The following TPRG1 variants were observed in gnomAD, a reference collection of about 807,000 sequenced individuals.
TPRG1 encodes tumor protein p63 regulated 1.
TPRG1 carries 29 observed loss-of-function variants against 29.3 expected under a neutral mutation model. The ratio of observed to expected loss-of-function variants is 0.99; its 90% confidence interval spans 0.74 to 1.35. The LOEUF is 1.35. Ranked by LOEUF, TPRG1 falls within the 40% of genes most tolerant of loss-of-function variation. The pLI is 0.00. For missense variants in TPRG1, 327 were observed against 335.0 expected (o/e 0.98, Z 0.19); for synonymous variants, 130 against 116.8 (o/e 1.11, Z -0.73).
At chr3:189,115,554 A>G (rs1721065476) in intron 1 of TPRG1, among the ~76,000 whole-genome samples, 1 of 152,212 alleles carries the variant, frequency 6.6e-6, no homozygotes, top group South Asian at 2.1e-4. Context: ...TATAATGCAG[A>G]CTTTTAAAGT....
At chr3:189,178,779 A>G (rs1729834166) in intron 1 of TPRG1, among the ~76,000 whole-genome samples, 1 of 152,194 alleles carries the variant, frequency 6.6e-6, no homozygotes, top group Non-Finnish European at 1.5e-5. Context: ...GAGATAACTT[A>G]TAGCTTTAGA....
intron 1 of TPRG1, among the ~76,000 whole-genome samples, chr3:188,998,152 C>G (rs1419095494): frequency 5.8e-5 from 1 of 17,140 alleles, no homozygotes; most frequent in Non-Finnish European, 2.0e-3. Context: ...GGGAGCAGAC[C>G]ATAAACAAAC....
At chr3:189,308,543 T>A (rs1303837143) in intron 4 of TPRG1, among the ~76,000 whole-genome samples, 1 of 152,178 alleles carries the variant, frequency 6.6e-6, no homozygotes, top group African/African-American at 2.4e-5. Flanking sequence ...CCTCTGGAGC[T>A]CAGGAAAGAA....
intron 4 of TPRG1, among the ~76,000 whole-genome samples, chr3:189,025,239 C>T (rs1275607969): frequency 6.6e-6 from 1 of 152,116 alleles, no homozygotes; most frequent in African/African-American, 2.4e-5. Flanking sequence ...GAGGGGATAT[C>T]CTGATCTGAG....
At chr3:189,295,921 A>AC (rs970801535) in intron 4 of TPRG1, among the ~76,000 whole-genome samples, 6 of 102,016 alleles carry the variant, frequency 5.9e-5, no homozygotes, top group Non-Finnish European at 4.1e-5. Flanking sequence ...TTTAAAAAAA[A>AC]AAAAAAAAAA....
At chr3:189,025,328 G>A (rs1394359950) in intron 4 of TPRG1, among the ~76,000 whole-genome samples, 1 of 152,140 alleles carries the variant, frequency 6.6e-6, no homozygotes, top group African/African-American at 2.4e-5. Context: ...TTGGGGTGGG[G>A]GTTCCCTTGG....
intron 5 of TPRG1, among the ~76,000 whole-genome samples, chr3:189,156,405 T>A (rs1446250002): frequency 6.6e-6 from 1 of 152,174 alleles, no homozygotes; most frequent in Non-Finnish European, 1.5e-5. Context: ...TTGCAGTGAT[T>A]TGTTACAGCA....
At chr3:189,252,186 T>TCAGAGAGCAC (rs1742388058) in intron 4 of TPRG1, among the ~76,000 whole-genome samples, 1 of 152,154 alleles carries the variant, frequency 6.6e-6, no homozygotes, top group African/African-American at 2.4e-5. Context: ...CAGCACATGT[T>TCAGAGAGCAC]TCAGAGAGCA....
intron 1 of TPRG1, among the ~76,000 whole-genome samples, chr3:189,179,737 A>G (rs972914466): frequency 6.6e-6 from 1 of 152,202 alleles, no homozygotes; most frequent in Non-Finnish European, 1.5e-5. Flanking sequence ...ATGTGTTTGA[A>G]TTAATCAATT....
intron 1 of TPRG1, among the ~76,000 whole-genome samples, chr3:189,195,463 C>T (rs576470102): frequency 7.2e-5 from 11 of 152,202 alleles, no homozygotes; most frequent in East Asian, 3.9e-4. Context: ...CACTGGTCTG[C>T]GGTGGTTTGG....
chr3:189,275,747 A>G (rs531800476), intron 4 of TPRG1, among the ~76,000 whole-genome samples: 1 of 152,280 alleles, frequency 6.6e-6, no homozygotes, highest in East Asian at 1.9e-4. Flanking sequence ...CTACTGTTGT[A>G]TTTTAAATAG....
chr3:189,303,701 G>A (rs1721192221), intron 4 of TPRG1, among the ~76,000 whole-genome samples: 1 of 152,094 alleles, frequency 6.6e-6, no homozygotes, highest in Non-Finnish European at 1.5e-5. Context: ...TATGTACCTG[G>A]CACTGTAAGC....
chr3:189,072,446 A>G (rs1260781818), intron 4 of TPRG1, among the ~76,000 whole-genome samples: 1 of 152,120 alleles, frequency 6.6e-6, no homozygotes, highest in East Asian at 1.9e-4. Flanking sequence ...TTGTTTCTCA[A>G]TGTGGATATT....
At chr3:189,075,293 CG>C (rs1717092346) in intron 4 of TPRG1, among the ~76,000 whole-genome samples, 1 of 151,966 alleles carries the variant, frequency 6.6e-6, no homozygotes, top group Non-Finnish European at 1.5e-5. Flanking sequence ...CCACCATGCC[CG>C]GCTAATTTTC....
intron 4 of TPRG1, among the ~76,000 whole-genome samples, chr3:189,067,270 C>T (rs1263389088): frequency 4.6e-5 from 7 of 152,074 alleles, no homozygotes; most frequent in Admixed American, 3.3e-4. Context: ...AGATTCAGTG[C>T]AATCTCTATC....
chr3:189,053,474 C>G (rs922240349), intron 4 of TPRG1, among the ~76,000 whole-genome samples: 1 of 152,124 alleles, frequency 6.6e-6, no homozygotes, highest in Non-Finnish European at 1.5e-5. Context: ...TTGAAACTTA[C>G]CAGATCACTG....
At chr3:189,146,564 G>T (rs931740096) in intron 3 of TPRG1, among the ~76,000 whole-genome samples, 9 of 152,236 alleles carry the variant, frequency 5.9e-5, no homozygotes, top group African/African-American at 2.2e-4. Flanking sequence ...TCTGTCTGTT[G>T]TATCTTGTAC....
chr3:188,998,819 G>T (rs1480071179), intron 1 of TPRG1, among the ~76,000 whole-genome samples: 1 of 152,162 alleles, frequency 6.6e-6, no homozygotes, highest in South Asian at 2.1e-4. Flanking sequence ...GGCTGAGGGG[G>T]TGTGGGAGGA....
chr3:189,261,009 C>T lies in TPRG1; in HGVS notation c.479+22100C>T, dbSNP rs894029220. Among the ~76,000 whole-genome samples the T allele has an allele frequency of 2.0e-5, 3 of 152,148 alleles. 1 individual carries two copies. The highest frequency in any genetic ancestry group is 4.1e-4 in the South Asian group (2 of 4,824). On this transcript the variant is annotated intron_variant, in intron 4 of 5. Transcript: ENST00000345063. ...GCCCGGGCCAATTCTGCTGGCTTCG[C>T]GTCTGTCAGTGTGTCCTAATCACTG...
Sources: gnomAD v4.1 joint callset for allele counts (sites outside exome capture counted in the v4.1 genomes callset) on GRCh38, gnomAD v4.1.1 for gene constraint, MANE v1.5 for transcripts, NCBI Gene and HGNC (gene_info 2026-07-23, HGNC 2026-07-21) for gene names.